The following CLYBL variants were observed in gnomAD, a reference collection of about 807,000 sequenced individuals.
The protein encoded by CLYBL is citramalyl-CoA lyase, mitochondrial.
CLYBL carries 31 observed loss-of-function variants against 38.9 expected under a neutral mutation model. The ratio of observed to expected loss-of-function variants is 0.80; its 90% CI spans 0.60 to 1.08. The LOEUF is 1.08. CLYBL is among the 50% of genes least tolerant of loss of function. The probability of loss-of-function intolerance (pLI) is 0.00; values close to 1 mark genes in which losing one functional copy is unlikely to be tolerated. For missense variants in CLYBL, 434 were observed against 411.6 expected (o/e 1.05, Z -0.47); for synonymous variants, 171 against 158.6 (o/e 1.08, Z -0.59).
chr13:99,632,770 A>G (rs895544333), intron 1 of CLYBL, among the ~76,000 whole-genome samples: 2 of 151,928 alleles, frequency 1.3e-5, no homozygotes, highest in African/African-American at 4.8e-5. Flanking sequence ...AAACAAAAAA[A>G]CCCCACTAGA....
At chr13:99,833,026 A>AT (rs2050848021) in intron 2 of CLYBL, among the ~76,000 whole-genome samples, 3 of 36,252 alleles carry the variant, frequency 8.3e-5, no homozygotes, top group African/African-American at 3.5e-4. Flanking sequence ...ATATATATAT[A>AT]TATATTTTTT....
chr13:99,840,155 AC>A (rs2051035589), intron 2 of CLYBL, among the ~76,000 whole-genome samples: 1 of 151,242 alleles, frequency 6.6e-6, no homozygotes, highest in Admixed American at 6.6e-5. Flanking sequence ...AAGACTAACA[AC>A]CCTGCGATGG....
intron 1 of CLYBL, among the ~76,000 whole-genome samples, chr13:99,762,723 TA>T (rs2049189309): frequency 6.6e-6 from 1 of 152,242 alleles, no homozygotes; most frequent in South Asian, 2.1e-4. Flanking sequence ...GGTACTTTGA[TA>T]GGGATTGCAT....
intron 2 of CLYBL, among the ~76,000 whole-genome samples, chr13:99,830,054 G>A (rs183641617): frequency 1.2e-3 from 186 of 152,228 alleles, no homozygotes; most frequent in African/African-American, 4.1e-3. Flanking sequence ...GGGGATGTGC[G>A]TTCAAGTCCT....
rs114958067 is a variant in CLYBL at position 99,834,902 on chromosome 13, C to G, written c.250-23959C>G. Among the ~76,000 whole-genome samples the G allele has an allele frequency of 4.0e-3, 614 of 152,288 alleles. 6 individuals are homozygous for G. Among genetic ancestry groups the G allele is most frequent in the African/African-American group, 0.014 (588 of 41,566 alleles). ...TTTGACGGTCAAGAGGTGATGTGAT[C>G]GAGATCCTAAGCAAACACCTCTAAA... On this transcript the variant is annotated intron_variant, in intron 2 of 8. Transcript: ENST00000339105.
At chr13:99,753,815 G>A (rs1198988673) in intron 1 of CLYBL, among the ~76,000 whole-genome samples, 1 of 152,092 alleles carries the variant, frequency 6.6e-6, no homozygotes, top group Admixed American at 6.5e-5. Flanking sequence ...TTGGCCGGGC[G>A]CGGTGGCTCA....
rs561836717 is a variant in CLYBL at position 99,865,211 on chromosome 13, T to TAATA, written c.634+305_634+308dup. On this transcript the variant is annotated intron_variant, in intron 5 of 8. Transcript: ENST00000339105. This position sits in a 1 kb window ranked among gnomAD's most constrained non-coding sequence, Gnocchi z 4.7. ...GAATATATGGCATCTCCTTTGCTCC[T>TAATA]AATAAATATATTATGTGAACAGCCT... 175 of 384,100 alleles carry TAATA rather than the reference T, an allele frequency of 4.6e-4. No individual in the cohort carries two copies. Among genetic ancestry groups the TAATA allele is most frequent in the African/African-American group, 3.5e-3 (168 of 47,908 alleles). The allele number at this position is 384,100 out of a possible 1,614,324, so 23.8% of individuals were successfully genotyped here.
intron 1 of CLYBL, among the ~76,000 whole-genome samples, chr13:99,755,592 G>A (rs1002264493): frequency 2.2e-4 from 33 of 152,186 alleles, no homozygotes; most frequent in African/African-American, 7.5e-4. Flanking sequence ...AGGGTCAGTC[G>A]AAACTTCTGG....
intron 2 of CLYBL, among the ~76,000 whole-genome samples, chr13:99,800,339 GA>G (rs2050107220): frequency 6.6e-6 from 1 of 152,198 alleles, no homozygotes; most frequent in African/African-American, 2.4e-5. Context: ...ATTTCTCTCT[GA>G]ATTTTACCTG....
At chr13:99,841,812 C>CTTTTT (rs67827288) in intron 2 of CLYBL, among the ~76,000 whole-genome samples, 3 of 105,396 alleles carry the variant, frequency 2.8e-5, no homozygotes, top group African/African-American at 1.3e-4. Context: ...TTTTCTTTTC[C>CTTTTT]TTTTTTTTTT....
At position 99,754,998 on chromosome 13, in the gene CLYBL, C is replaced by T. The variant is rs939605555; in HGVS notation, c.63-17826C>T. 4.6e-5 allele frequency among the ~76,000 whole-genome samples: 7 copies of T among 151,526 alleles called. No homozygotes were observed. The East Asian group carries it at 5.8e-4, about 13-fold the overall frequency. ...CTGCAAGCTCCGCCTCCCAGGTTGA[C>T]GCCATTCTCCTGCTTCAAACCCCCG... is the stretch of plus-strand genomic sequence containing the variant. On this transcript the variant is annotated intron_variant, in intron 1 of 8. Coordinates refer to ENST00000339105, the MANE Select transcript of CLYBL (RefSeq NM_206808.5).
intron 1 of CLYBL, among the ~76,000 whole-genome samples, chr13:99,665,336 T>TA (rs59421798): frequency 7.3e-5 from 11 of 150,222 alleles, no homozygotes; most frequent in African/African-American, 1.5e-4. Flanking sequence ...CTTACTTGCT[T>TA]AAAAAAAAAA....
At chr13:99,765,079 T>C (rs1405383306) in intron 1 of CLYBL, among the ~76,000 whole-genome samples, 1 of 152,208 alleles carries the variant, frequency 6.6e-6, no homozygotes, top group East Asian at 1.9e-4. Context: ...TAGTGTTTTT[T>C]TCTTGCAGAT....
intron 2 of CLYBL, among the ~76,000 whole-genome samples, chr13:99,781,628 A>G (rs1046635396): frequency 5.9e-5 from 9 of 152,066 alleles, no homozygotes; most frequent in Non-Finnish European, 1.2e-4. Context: ...AGTGCCTGCC[A>G]CCACGTCTGG....
At chr13:99,827,649 G>T (rs1455163556) in intron 2 of CLYBL, among the ~76,000 whole-genome samples, 1 of 152,204 alleles carries the variant, frequency 6.6e-6, no homozygotes, top group Admixed American at 6.5e-5. Flanking sequence ...TGCCACCTGG[G>T]GAGCCCCACA....
At chr13:99,684,904 C>CT (rs2047795780) in intron 1 of CLYBL, among the ~76,000 whole-genome samples, 2 of 152,130 alleles carry the variant, frequency 1.3e-5, no homozygotes, top group Non-Finnish European at 2.9e-5. Context: ...AACAACCAGC[C>CT]AATAAAACAG....
intron 1 of CLYBL, among the ~76,000 whole-genome samples, chr13:99,694,344 G>A (rs1213515389): frequency 6.6e-6 from 1 of 152,242 alleles, no homozygotes; most frequent in African/African-American, 2.4e-5. Context: ...CTGTGCACAT[G>A]TATGTGTTAC....
intron 9 of CLYBL, among the ~76,000 whole-genome samples, chr13:99,907,150 C>G (rs1051228790): frequency 6.6e-6 from 1 of 152,198 alleles, no homozygotes; most frequent in Non-Finnish European, 1.5e-5. Context: ...AAGTCAAGTT[C>G]TGATGCATAC....
chr13:99,822,083 A>G (rs1180974944), intron 2 of CLYBL, among the ~76,000 whole-genome samples: 3 of 152,164 alleles, frequency 2.0e-5, no homozygotes, highest in Non-Finnish European at 4.4e-5. Flanking sequence ...GCCATCTTAG[A>G]TCATCCAGCC....
Sources: allele counts gnomAD v4.1 joint callset (sites outside exome capture counted in the v4.1 genomes callset), GRCh38; gene constraint gnomAD v4.1.1; non-coding constraint Gnocchi (gnomAD v3.1); transcripts MANE v1.5; gene names NCBI Gene and HGNC (gene_info 2026-07-23, HGNC 2026-07-21).